VHL: variants seen among roughly 807,000 people sequenced by gnomAD.
The protein encoded by VHL is von Hippel-Lindau tumor suppressor.
VHL carries 10 observed loss-of-function variants against 19.2 expected under a neutral mutation model. That is an observed-to-expected ratio of 0.52 (90% confidence interval 0.32 to 0.89). The LOEUF (loss-of-function observed/expected upper bound fraction) is 0.89, where lower values mean the gene tolerates loss of function less well. Among genes scored for constraint, VHL ranks in the 40% least tolerant of loss-of-function variants. The pLI is 0.03. For synonymous variants in VHL, 167 were observed against 129.5 expected (o/e 1.29, Z -1.97); for missense variants, 328 against 292.7 (o/e 1.12, Z -0.88).
rs1288572018 is a variant in VHL, at chr3:10,146,742, C to T, written c.463+106C>T. 1.1e-5 allele frequency: 15 copies of T among 1,384,326 alleles called. No homozygotes were observed. The South Asian group carries it at 1.3e-4, about 12-fold the overall frequency. The allele number at this position is 1,384,326 out of a possible 1,614,324, so 85.8% of individuals were successfully genotyped here. ...CTCAATTTTTGCCTGATGTCAGGCACGTTATCCAATCTTTTTGTATCCTAT... is the reference window on the plus strand; with the variant it reads ...CTCAATTTTTGCCTGATGTCAGGCATGTTATCCAATCTTTTTGTATCCTAT... On this transcript the variant is annotated intron_variant, in intron 2 of 2. Coordinates refer to ENST00000256474, the MANE Select transcript of VHL (RefSeq NM_000551.4).
chr3:10,149,894 C>T lies in VHL; in HGVS notation c.571C>T (p.His191Tyr), dbSNP rs28940301. The change falls in exon 3 of 3, where the codon CAC (histidine) becomes TAC (tyrosine). Residue 191 changes from histidine to tyrosine, a missense_variant. Physicochemically the swap from His to Tyr is moderately conservative, Grantham distance 83. Transcript: ENST00000256474. ...GTCGCTCTACGAAGATCTGGAAGAC[C>T]ACCCAAATGTGCAGAAAGACCTGGA... The part of the protein sequence containing the change: ...VRSLYEDLED[H>Y]PNVQKDLERL... 1 of 1,614,166 alleles carries T rather than the reference C, an allele frequency of 6.2e-7. No individual in the cohort carries two copies. The highest frequency in any genetic ancestry group is 1.1e-5 in the South Asian group (1 of 91,082).
rs1327224937 is a variant in VHL, at chr3:10,146,816, A to G, written c.463+180A>G. Among the ~76,000 whole-genome samples, 8 of 152,276 alleles carry G rather than the reference A, an allele frequency of 5.3e-5. No homozygotes were observed. The East Asian group carries it at 9.6e-4, about 18-fold the overall frequency. On this transcript the variant is annotated intron_variant, in intron 2 of 2. Coordinates refer to ENST00000256474, the MANE Select transcript of VHL (RefSeq NM_000551.4). ...GTGATGTATTTGTACGTTATGTGTT[A>G]AAGGTGTTATGGTGTCTCAAAAGCA...
chr3:10,146,804 A>C (rs1470643417), intron 2 of VHL, among the ~76,000 whole-genome samples, 168 bp downstream of exon 2: 2 of 149,610 alleles, frequency 1.3e-5, no homozygotes, highest in Non-Finnish European at 2.9e-5. Context: ...ATGTATTTGT[A>C]CGTTATGTGT....
chr3:10,146,170 G>C (rs1696249549), intron 1 of VHL, among the ~76,000 whole-genome samples: 1 of 146,576 alleles, frequency 6.8e-6, no homozygotes, highest in South Asian at 2.1e-4. Context: ...GACCAGTCTG[G>C]CTCTTTTTTT....
rs932321452 is a variant in VHL at position 10,150,120 on chromosome 3, C to T, written c.*155C>T. 6.5e-5 allele frequency: 99 copies of T among 1,514,432 alleles called. 2 individuals carry two copies. The South Asian group carries it at 1.1e-3, about 17-fold the overall frequency. 93.8% of individuals were successfully genotyped at this position (1,514,432 alleles called of 1,614,324 possible). A position where few individuals can be genotyped will look rare whatever the true frequency, so the allele number is the denominator to read the frequency against. ...TGCTTAAAAGAAAGTTAACTGACTT[C>T]ACTAGGCATTGTGATGTTTAGGGGC... is the stretch of plus-strand genomic sequence containing the variant. On this transcript the variant is annotated 3_prime_UTR_variant, in exon 3 of 3. Transcript: ENST00000256474.
intron 2 of VHL, among the ~76,000 whole-genome samples, chr3:10,148,270 T>G (rs1476421949): frequency 6.6e-6 from 1 of 151,698 alleles, no homozygotes; most frequent in Non-Finnish European, 1.5e-5. Context: ...TTCCAGTGAG[T>G]GTAAAATAGG....
Position 10,153,566 on chromosome 3 carries a change from A to G in VHL, c.*3601A>G, listed in dbSNP as rs548409641. ...CGAATCTTGTGAATGTATTAAATAT[A>G]TCGCTCTTAAGAGACGGTGAAGTTC... On this transcript the variant is annotated 3_prime_UTR_variant, in exon 3 of 3. Transcript: ENST00000256474. Among the ~76,000 whole-genome samples the G allele has an allele frequency of 3.3e-5, 5 of 151,856 alleles. No individual in the cohort carries two copies. Among genetic ancestry groups the G allele is most frequent in the Non-Finnish European group, 7.4e-5 (5 of 67,944 alleles).
chr3:10,146,945 G>A (rs1235784225), intron 2 of VHL, among the ~76,000 whole-genome samples: 1 of 152,150 alleles, frequency 6.6e-6, no homozygotes, highest in East Asian at 1.9e-4. Flanking sequence ...GCCAAATTGT[G>A]CCCTGGAGTT....
intron 2 of VHL, 130 bp downstream of exon 2, chr3:10,146,766 A>C (rs147014327): frequency 2.6e-6 from 3 of 1,166,006 alleles, no homozygotes; most frequent in Non-Finnish European, 3.8e-6. Flanking sequence ...TTTGTATCCT[A>C]TTCTCTACCA....
At chr3:10,145,452 T>A (rs1329283655) in intron 1 of VHL, among the ~76,000 whole-genome samples, 1 of 152,006 alleles carries the variant, frequency 6.6e-6, no homozygotes, top group Admixed American at 6.6e-5. Context: ...ACTCCTGTAA[T>A]CCCAGCACTT....
chr3:10,150,091 C>G lies in VHL; in HGVS notation c.*126C>G, dbSNP rs531980778. The G allele has an allele frequency of 5.0e-5, 77 of 1,533,870 alleles. No homozygotes were observed. Among genetic ancestry groups the G allele is most frequent in the South Asian group, 1.2e-4 (10 of 82,952 alleles). On this transcript the variant is annotated 3_prime_UTR_variant, in exon 3 of 3. Transcript: ENST00000256474. ...TCTCATTCTCAGAGTAAAATAGGCA[C>G]CATTGCTTAAAAGAAAGTTAACTGA...
chr3:10,142,300 G>A (rs1212173467), intron 1 of VHL, 113 bp downstream of exon 1: 1 of 1,145,132 alleles, frequency 8.7e-7, no homozygotes, highest in African/African-American at 1.5e-5. Flanking sequence ...CTTGAGGCAG[G>A]ACACATCCAG....
At position 10,153,038 on chromosome 3, in the gene VHL, A is replaced by G. The variant is rs1435321349; in HGVS notation, c.*3073A>G. 1.3e-5 allele frequency among the ~76,000 whole-genome samples: 2 copies of G among 152,010 alleles called. No individual in the cohort carries two copies. The highest frequency in any genetic ancestry group is 2.4e-5 in the African/African-American group (1 of 41,428). ...ATGCCTGTAATCCCAGCACTTTGGG[A>G]GGCCTAGGCGGGTGGATCACGAGGT... On this transcript the variant is annotated 3_prime_UTR_variant, in exon 3 of 3. Transcript: ENST00000256474.
At position 10,153,086 on chromosome 3, in the gene VHL, C is replaced by T. The variant is rs1696456466; in HGVS notation, c.*3121C>T. ...GGTCAGGAAATCGAGACCATCCTGG[C>T]TAACACGGGTGAAACCCCGTCTCTA... On this transcript the variant is annotated 3_prime_UTR_variant, in exon 3 of 3. Coordinates refer to ENST00000256474, the MANE Select transcript of VHL (RefSeq NM_000551.4). Among the ~76,000 whole-genome samples the T allele has an allele frequency of 6.6e-6, 1 of 152,050 alleles. No individual in the cohort carries two copies. Among genetic ancestry groups the T allele is most frequent in the African/African-American group, 2.4e-5 (1 of 41,414 alleles).
intron 2 of VHL, among the ~76,000 whole-genome samples, chr3:10,147,276 C>T (rs1696284403): frequency 6.6e-6 from 1 of 152,012 alleles, no homozygotes; most frequent in Admixed American, 6.6e-5. Flanking sequence ...TCCCAAAGTG[C>T]TGGGATTACA....
rs967704610 is a variant in VHL at position 10,153,353 on chromosome 3, C to T, written c.*3388C>T. ...GTGAGGCAGGCGAATCTCTTGAACC[C>T]GGGAGGCGGAGGTTGCAGTGAGCCA... On this transcript the variant is annotated 3_prime_UTR_variant, in exon 3 of 3. Transcript: ENST00000256474. Among the ~76,000 whole-genome samples the T allele has an allele frequency of 5.9e-5, 9 of 151,600 alleles. No homozygotes were observed. Among genetic ancestry groups the T allele is most frequent in the Non-Finnish European group, 1.3e-4 (9 of 67,924 alleles).
chr3:10,141,855 G>GGAGGGCGGAGAACTGGGAC lies in VHL; in HGVS notation c.13_31dup (p.Ala11GlyfsTer22), dbSNP rs1455562175. On this transcript the variant is annotated frameshift_variant, in exon 1 of 3. Transcript: ENST00000256474. LOFTEE classifies it high-confidence loss of function. ...GTCTGGATCGCGGAGGGAATGCCCCGGAGGGCGGAGAACTGGGACGAGGCC... is the reference window on the plus strand; with the variant it reads ...GTCTGGATCGCGGAGGGAATGCCCCGGAGGGCGGAGAACTGGGACGAGGGCGGAGAACTGGGACGAGGCC... 1.2e-5 allele frequency: 18 copies of GGAGGGCGGAGAACTGGGAC among 1,535,572 alleles called. No individual in the cohort carries two copies. The highest frequency in any genetic ancestry group is 2.6e-6 in the Non-Finnish European group (3 of 1,139,718).
chr3:10,142,551 G>C (rs947739715), intron 1 of VHL: 14 of 277,330 alleles, frequency 5.0e-5, no homozygotes, highest in Non-Finnish European at 7.6e-5. Context: ...TCACCATGTT[G>C]GTCAGGCTGG....
Position 10,151,103 on chromosome 3 carries a change from C to T in VHL, c.*1138C>T, listed in dbSNP as rs576361514. 1 of 185,594 alleles carries T rather than the reference C, an allele frequency of 5.4e-6. No individual in the cohort carries two copies. Among genetic ancestry groups the T allele is most frequent in the Admixed American group, 6.2e-5 (1 of 16,068 alleles). The allele number at this position is 185,594 out of a possible 1,614,324, so 11.5% of individuals were successfully genotyped here. A position where few individuals can be genotyped will look rare whatever the true frequency, so the allele number is the denominator to read the frequency against. ...TCATGTTGGCCAGGCTGGTTTCAAA[C>T]TCCTGACCTCAGGTGATCCGCCCAC... On this transcript the variant is annotated 3_prime_UTR_variant, in exon 3 of 3. Coordinates refer to ENST00000256474, the MANE Select transcript of VHL (RefSeq NM_000551.4).
Sources: allele counts gnomAD v4.1 joint callset (sites outside exome capture counted in the v4.1 genomes callset), GRCh38; gene constraint gnomAD v4.1.1; transcripts MANE v1.5; gene names NCBI Gene and HGNC (gene_info 2026-07-23, HGNC 2026-07-21).